Variants in SPAG16 observed in about 807,000 individuals in gnomAD.
SPAG16 encodes sperm associated antigen 16.
A neutral mutation model predicts 80.4 loss-of-function variants in SPAG16; 86 were observed. The ratio of observed to expected loss-of-function variants is 1.07; its 90% CI spans 0.90 to 1.28. SPAG16 has a LOEUF of 1.28. Ranked by LOEUF, SPAG16 falls within the 50% of genes most tolerant of loss-of-function variation. SPAG16 has a pLI of 0.00. For missense variants in SPAG16, 870 were observed against 765.3 expected, an observed-to-expected ratio of 1.14 and a Z score of -1.61; for synonymous variants, 294 against 265.9, an observed-to-expected ratio of 1.11 and a Z score of -1.03.
At chr2:214,311,349 A>G (rs1695301420) in intron 15 of SPAG16, among the ~76,000 whole-genome samples, 1 of 150,540 alleles carries the variant, frequency 6.6e-6, no homozygotes, top group Non-Finnish European at 1.5e-5. Flanking sequence ...CAGATACACA[A>G]ACAGTGTGGT....
chr2:214,127,124 C>G (rs973297661), intron 14 of SPAG16, among the ~76,000 whole-genome samples: 11 of 151,918 alleles, frequency 7.2e-5, no homozygotes, highest in Middle Eastern at 3.4e-3. Flanking sequence ...CCTCTAATCA[C>G]TGCTGCAGAA....
chr2:214,054,597 A>T (rs2049837695), intron 13 of SPAG16, among the ~76,000 whole-genome samples: 1 of 152,184 alleles, frequency 6.6e-6, no homozygotes, highest in South Asian at 2.1e-4. Context: ...GAGTTGAGGC[A>T]TATAGTATAA....
At chr2:213,969,990 T>G (rs2044935651) in intron 12 of SPAG16, among the ~76,000 whole-genome samples, 1 of 152,208 alleles carries the variant, frequency 6.6e-6, no homozygotes, top group Admixed American at 6.5e-5. Context: ...AAGTCTAAGA[T>G]CAAGACACCA....
chr2:213,879,229 A>C (rs2098978), intron 11 of SPAG16, among the ~76,000 whole-genome samples: 89,975 of 151,440 alleles, frequency 0.59, 28,586 homozygotes, highest in South Asian at 0.85. Context: ...TAAACTGTAG[A>C]TTGCTTTGGA....
At chr2:213,797,747 A>T (rs1344455009) in intron 10 of SPAG16, among the ~76,000 whole-genome samples, 3 of 152,162 alleles carry the variant, frequency 2.0e-5, no homozygotes, top group African/African-American at 4.8e-5. Context: ...GGCTTTTCCC[A>T]GTTTGGGGGC....
At chr2:214,018,032 G>GA (rs1322549513) in intron 13 of SPAG16, among the ~76,000 whole-genome samples, 2 of 151,680 alleles carry the variant, frequency 1.3e-5, no homozygotes, top group African/African-American at 4.8e-5. Context: ...AAACCAAGTA[G>GA]AAAAAAATTT....
rs149637594 is a variant in SPAG16, at chr2:213,306,647, C to G, written c.280-3412C>G. 3.6e-3 allele frequency among the ~76,000 whole-genome samples: 541 copies of G among 151,968 alleles called. 6 individuals are homozygous for G. The highest frequency in any genetic ancestry group is 0.012 in the African/African-American group (509 of 41,464). On this transcript the variant is annotated intron_variant, in intron 3 of 15. Coordinates refer to ENST00000331683, the MANE Select transcript of SPAG16 (RefSeq NM_024532.5). ...TTCTGACTGCTGGGATGGGCAAGTC[C>G]CCTCTTGCTAGGGCTGGTTGAAATG...
At chr2:214,407,993 T>C (rs1702094247) in intron 15 of SPAG16, among the ~76,000 whole-genome samples, 2 of 144,238 alleles carry the variant, frequency 1.4e-5, no homozygotes, top group South Asian at 4.2e-4. Context: ...CAGGTAAACT[T>C]GAAAAACCGC....
chr2:214,002,674 G>T (rs1043966233), intron 12 of SPAG16, among the ~76,000 whole-genome samples: 1 of 152,144 alleles, frequency 6.6e-6, no homozygotes, highest in African/African-American at 2.4e-5. Context: ...CTAAGTCCTG[G>T]TCCAAGTTCA....
intron 10 of SPAG16, among the ~76,000 whole-genome samples, chr2:213,809,534 T>C (rs577231244): frequency 6.6e-6 from 1 of 152,114 alleles, no homozygotes; most frequent in South Asian, 2.1e-4. Flanking sequence ...ACAATTAAGG[T>C]ATTTGTGGTG....
chr2:213,628,615 A>T (rs2062040359), intron 10 of SPAG16, among the ~76,000 whole-genome samples: 1 of 152,194 alleles, frequency 6.6e-6, no homozygotes, highest in Non-Finnish European at 1.5e-5. Context: ...GGATTCGCAC[A>T]ACTTGTGTTT....
At chr2:213,560,975 T>G (rs886946402) in intron 10 of SPAG16, among the ~76,000 whole-genome samples, 8 of 152,206 alleles carry the variant, frequency 5.3e-5, no homozygotes, top group African/African-American at 1.7e-4. Flanking sequence ...GAGAATCTCC[T>G]GTCTCAGCCT....
chr2:213,846,176 A>G (rs755156395), intron 10 of SPAG16, among the ~76,000 whole-genome samples: 2 of 152,208 alleles, frequency 1.3e-5, no homozygotes, highest in Non-Finnish European at 2.9e-5. Flanking sequence ...TTGTTTTGAA[A>G]ATTAGTTTCA....
At chr2:214,361,023 C>G (rs1576883282) in intron 15 of SPAG16, among the ~76,000 whole-genome samples, 3 of 151,804 alleles carry the variant, frequency 2.0e-5, no homozygotes. Flanking sequence ...TTCCTTCTTG[C>G]ACGACATTCA....
intron 10 of SPAG16, among the ~76,000 whole-genome samples, chr2:213,732,996 A>G (rs1395220436): frequency 2.0e-5 from 3 of 152,204 alleles, no homozygotes; most frequent in African/African-American, 4.8e-5. Context: ...TCCCACCAAC[A>G]GTGTAAGAGT....
chr2:214,055,395 T>C (rs951023840), intron 13 of SPAG16, among the ~76,000 whole-genome samples: 5 of 152,132 alleles, frequency 3.3e-5, no homozygotes, highest in Non-Finnish European at 7.4e-5. Flanking sequence ...CTTTTAAGTA[T>C]ATAAAGAAGC....
At chr2:213,860,578 C>G (rs1430610613) in intron 10 of SPAG16, among the ~76,000 whole-genome samples, 1 of 151,150 alleles carries the variant, frequency 6.6e-6, no homozygotes, top group Non-Finnish European at 1.5e-5. Flanking sequence ...AGGATCAGTT[C>G]ATGTGGAATA....
chr2:214,258,569 T>C (rs1216366469), intron 15 of SPAG16, among the ~76,000 whole-genome samples: 1 of 151,594 alleles, frequency 6.6e-6, no homozygotes, highest in Admixed American at 6.6e-5. Context: ...ACTAGTTTCA[T>C]ATTTCTGCAA....
chr2:214,380,503 C>G (rs1262266197), intron 15 of SPAG16, among the ~76,000 whole-genome samples: 2 of 152,018 alleles, frequency 1.3e-5, no homozygotes, highest in African/African-American at 4.8e-5. Flanking sequence ...AGAATGGGAC[C>G]CAAAGTTCTT....
Sources: allele counts gnomAD v4.1 joint callset (sites outside exome capture counted in the v4.1 genomes callset), GRCh38; gene constraint gnomAD v4.1.1; transcripts MANE v1.5; gene names NCBI Gene and HGNC (gene_info 2026-07-23, HGNC 2026-07-21).